The following DGKB variants were observed in gnomAD, a reference collection of about 807,000 sequenced individuals.
The protein encoded by DGKB is diacylglycerol kinase beta, also known as 90 kDa diacylglycerol kinase.
In DGKB, 67 loss-of-function variants were observed where a neutral mutation model predicts 114.3. That is an observed-to-expected ratio of 0.59 (90% confidence interval 0.48 to 0.72). The LOEUF (loss-of-function observed/expected upper bound fraction) is 0.72. Ranked by LOEUF, DGKB falls within the 30% of genes least tolerant of loss-of-function variation. The pLI, the probability that DGKB is intolerant of heterozygous loss-of-function variation, is 0.00. For missense variants in DGKB, 907 were observed against 975.2 expected (o/e 0.93, Z 0.93); for synonymous variants, 398 against 323.1 (o/e 1.23, Z -2.49).
intron 1 of DGKB, among the ~76,000 whole-genome samples, chr7:14,916,846 T>C (rs1293395692): frequency 6.6e-6 from 1 of 152,066 alleles, no homozygotes; most frequent in Non-Finnish European, 1.5e-5. Context: ...ACACATTCTT[T>C]TCACATTCCC....
At chr7:14,654,582 G>C (rs144474361) in intron 13 of DGKB, among the ~76,000 whole-genome samples, 2 of 152,036 alleles carry the variant, frequency 1.3e-5, no homozygotes, top group East Asian at 3.9e-4. Context: ...AGTAGTCAAA[G>C]TAATACTGAG....
intron 23 of DGKB, among the ~76,000 whole-genome samples, chr7:14,277,393 G>T (rs532078356): frequency 4.3e-4 from 66 of 152,012 alleles, no homozygotes; most frequent in African/African-American, 1.5e-3. Context: ...GGCTGGTCTC[G>T]AACGCCTGGC....
At chr7:14,524,356 T>C (rs1790284713) in intron 20 of DGKB, among the ~76,000 whole-genome samples, 1 of 152,222 alleles carries the variant, frequency 6.6e-6, no homozygotes, top group Non-Finnish European at 1.5e-5. Context: ...GAATACCTTT[T>C]CCTAGATACT....
At chr7:14,773,356 G>T (rs1837693264) in intron 2 of DGKB, among the ~76,000 whole-genome samples, 1 of 151,848 alleles carries the variant, frequency 6.6e-6, no homozygotes, top group South Asian at 2.1e-4. Context: ...CAGCATACAG[G>T]CCCCTACTAT....
chr7:14,166,769 G>A (rs1360521797), intron 25 of DGKB, among the ~76,000 whole-genome samples: 1 of 152,000 alleles, frequency 6.6e-6, no homozygotes, highest in Non-Finnish European at 1.5e-5. Context: ...CTCTACTCTT[G>A]CACCTCCTGG....
At chr7:14,744,411 C>T (rs1408324006) in intron 4 of DGKB, among the ~76,000 whole-genome samples, 5 of 152,102 alleles carry the variant, frequency 3.3e-5, no homozygotes, top group Admixed American at 3.3e-4. Flanking sequence ...GGAAAACTGG[C>T]CTCATACCTT....
At chr7:14,809,765 G>A in intron 2 of DGKB, among the ~76,000 whole-genome samples, 1 of 152,046 alleles carries the variant, frequency 6.6e-6, no homozygotes, top group East Asian at 1.9e-4. Context: ...GCAAGGAATG[G>A]GGAACATTAA....
At chr7:14,285,205 T>A (rs1800684204) in intron 23 of DGKB, among the ~76,000 whole-genome samples, 1 of 152,140 alleles carries the variant, frequency 6.6e-6, no homozygotes, top group Non-Finnish European at 1.5e-5. Flanking sequence ...ATAGGTATAC[T>A]CTGCCCTAGC....
intron 2 of DGKB, among the ~76,000 whole-genome samples, chr7:14,759,028 G>A (rs367744939): frequency 4.6e-5 from 7 of 151,946 alleles, no homozygotes; most frequent in Admixed American, 1.3e-4. Flanking sequence ...GGGTTCAACC[G>A]GTTCTCCTGC....
At chr7:14,750,158 T>G (rs187037833) in intron 4 of DGKB, 242 of 518,528 alleles carry the variant, frequency 4.7e-4, no homozygotes, top group Non-Finnish European at 8.2e-4. Context: ...AAGCTTCTAA[T>G]TGACACTGAA....
intron 1 of DGKB, among the ~76,000 whole-genome samples, chr7:14,872,493 T>C (rs1415598280): frequency 2.0e-5 from 3 of 152,196 alleles, no homozygotes; most frequent in Admixed American, 1.3e-4. Flanking sequence ...TTCTGCCTTA[T>C]GTTATATGCA....
intron 1 of DGKB, among the ~76,000 whole-genome samples, chr7:14,927,717 T>C (rs899614247): frequency 2.0e-5 from 3 of 151,996 alleles, no homozygotes; most frequent in African/African-American, 7.2e-5. Flanking sequence ...AATATCTATG[T>C]TCATAGAAAA....
At chr7:14,457,051 T>C (rs988404553) in intron 21 of DGKB, among the ~76,000 whole-genome samples, 1 of 152,198 alleles carries the variant, frequency 6.6e-6, no homozygotes, top group African/African-American at 2.4e-5. Context: ...CAGCATTAAC[T>C]GCTTTTCAAG....
At chr7:14,151,233 A>G (rs1451333989) in intron 25 of DGKB, among the ~76,000 whole-genome samples, 4 of 152,058 alleles carry the variant, frequency 2.6e-5, no homozygotes, top group African/African-American at 9.7e-5. Flanking sequence ...TACACGGTAT[A>G]ATAGCATTAG....
chr7:14,403,914 T>C (rs1363349607), intron 21 of DGKB, among the ~76,000 whole-genome samples: 6 of 151,956 alleles, frequency 3.9e-5, no homozygotes, highest in Non-Finnish European at 2.9e-5. Context: ...TTTTCTCTTA[T>C]GTAAAAGTAA....
At chr7:14,200,830 T>C (rs911227184) in intron 23 of DGKB, among the ~76,000 whole-genome samples, 2 of 150,910 alleles carry the variant, frequency 1.3e-5, no homozygotes, top group Non-Finnish European at 3.0e-5. Flanking sequence ...GGGGAGAGAG[T>C]TGGGATTGTA....
intron 23 of DGKB, among the ~76,000 whole-genome samples, chr7:14,273,118 G>A (rs1217497009): frequency 2.0e-5 from 3 of 152,150 alleles, no homozygotes; most frequent in African/African-American, 7.2e-5. Flanking sequence ...GTGGAGGCAG[G>A]TGGATGGCTT....
intron 2 of DGKB, among the ~76,000 whole-genome samples, chr7:14,806,627 G>A (rs1842820920): frequency 6.6e-6 from 1 of 151,968 alleles, no homozygotes; most frequent in African/African-American, 2.4e-5. Context: ...CCTCCTTTAT[G>A]GATATATAGT....
intron 23 of DGKB, among the ~76,000 whole-genome samples, chr7:14,337,893 C>A (rs1007216852): frequency 2.6e-5 from 4 of 152,094 alleles, no homozygotes; most frequent in African/African-American, 9.7e-5. Context: ...CCAATGAGAA[C>A]TATATTACAA....
Sources: gnomAD v4.1 joint callset for allele counts (sites outside exome capture counted in the v4.1 genomes callset) on GRCh38, gnomAD v4.1.1 for gene constraint, MANE v1.5 for transcripts, NCBI Gene and HGNC (gene_info 2026-07-23, HGNC 2026-07-21) for gene names.